Variants in TAFA5 observed in about 807,000 individuals in gnomAD.
TAFA5 encodes the protein chemokine-like protein TAFA-5.
TAFA5 carries 6 observed loss-of-function variants against 15.3 expected under a neutral mutation model. That is an observed-to-expected ratio of 0.39 (90% CI 0.21 to 0.77). The LOEUF is 0.77. Ranked by LOEUF, TAFA5 falls within the 30% of genes least tolerant of loss-of-function variation. TAFA5 has a pLI of 0.41. For synonymous variants in TAFA5, 103 were observed against 80.7 expected, an observed-to-expected ratio of 1.28 and a Z score of -1.48; for missense variants, 161 against 193.1, an observed-to-expected ratio of 0.83 and a Z score of 0.98.
At chr22:48,571,753 A>T (rs1376067151) in intron 1 of TAFA5, among the ~76,000 whole-genome samples, 1 of 151,720 alleles carries the variant, frequency 6.6e-6, no homozygotes, top group Admixed American at 6.6e-5. Context: ...GTTGCCTTTT[A>T]TTCTCCTTTA....
intron 1 of TAFA5, among the ~76,000 whole-genome samples, chr22:48,601,828 C>G (rs1286945414): frequency 6.6e-6 from 1 of 152,236 alleles, no homozygotes; most frequent in East Asian, 1.9e-4. Context: ...CCACGTTTCA[C>G]TCCTTTGGCA....
intron 1 of TAFA5, among the ~76,000 whole-genome samples, chr22:48,601,328 T>C (rs1165429824): frequency 5.3e-5 from 8 of 152,216 alleles, no homozygotes; most frequent in Admixed American, 3.9e-4. Flanking sequence ...TTTTTTTTTA[T>C]TTTTTTATTT....
chr22:48,714,958 G>A (rs1261441240), intron 3 of TAFA5, among the ~76,000 whole-genome samples: 1 of 152,194 alleles, frequency 6.6e-6, no homozygotes, highest in Non-Finnish European at 1.5e-5. Context: ...CATGGGGCCT[G>A]CTCTGTTTGC....
chr22:48,679,743 GGC>G (rs1928116827), intron 2 of TAFA5, among the ~76,000 whole-genome samples: 1 of 52,118 alleles, frequency 1.9e-5, no homozygotes, highest in Non-Finnish European at 3.4e-5. Context: ...TCCCTCTCCT[GGC>G]TCCCCAGCTC....
intron 1 of TAFA5, among the ~76,000 whole-genome samples, chr22:48,518,496 C>T (rs1226418450): frequency 2.0e-5 from 3 of 152,222 alleles, no homozygotes; most frequent in Non-Finnish European, 4.4e-5. Flanking sequence ...TGCCCATGCC[C>T]TCAGGAAAAC....
chr22:48,608,688 CCAGATGT>C (rs1925287250), intron 1 of TAFA5, among the ~76,000 whole-genome samples: 1 of 152,190 alleles, frequency 6.6e-6, no homozygotes. Context: ...CCTGTGCGTG[CCAGATGT>C]TGGTTGGGGG....
chr22:48,489,717 C>T lies in TAFA5; in HGVS notation c.112+13C>T, dbSNP rs1928071698. On this transcript the variant is annotated intron_variant, in intron 1 of 3. Transcript: ENST00000402357. This position sits in a 1 kb window ranked among gnomAD's most constrained non-coding sequence, Gnocchi z 5.5. ...ATCGCCTACTGCAGTGAGTACCGCG[C>T]GGCCCCGGCCCCGGCACGGCCCTCT... The T allele has an allele frequency of 6.4e-6, 9 of 1,406,478 alleles. No individual in the cohort carries two copies. The highest frequency in any genetic ancestry group is 1.5e-5 in the African/African-American group (1 of 67,046). 87.1% of individuals were successfully genotyped at this position (1,406,478 alleles called of 1,614,324 possible). A position where few individuals can be genotyped will look rare whatever the true frequency, so the allele number is the denominator to read the frequency against.
At chr22:48,650,949 C>T (rs998726031) in intron 2 of TAFA5, among the ~76,000 whole-genome samples, 20 of 152,226 alleles carry the variant, frequency 1.3e-4, no homozygotes, top group African/African-American at 3.4e-4. Flanking sequence ...TGCTGGGTCC[C>T]GCAGCCACCA....
At chr22:48,589,828 G>A (rs911386489) in intron 1 of TAFA5, among the ~76,000 whole-genome samples, 4 of 149,590 alleles carry the variant, frequency 2.7e-5, no homozygotes, top group South Asian at 2.1e-4. Flanking sequence ...GGAAGCGCAG[G>A]CCCAAGACAC....
intron 1 of TAFA5, among the ~76,000 whole-genome samples, chr22:48,543,146 T>G (rs1922523250): frequency 6.6e-6 from 1 of 152,046 alleles, no homozygotes; most frequent in South Asian, 2.1e-4. Context: ...TCTGCGTCTC[T>G]GAACATCTCC....
intron 1 of TAFA5, among the ~76,000 whole-genome samples, chr22:48,629,029 G>A (rs963134882): frequency 1.3e-5 from 2 of 152,268 alleles, no homozygotes; most frequent in South Asian, 2.1e-4. Flanking sequence ...CAGCACACTC[G>A]CAGCTGCCGG....
At chr22:48,553,175 G>A (rs756754184) in intron 1 of TAFA5, among the ~76,000 whole-genome samples, 7 of 152,078 alleles carry the variant, frequency 4.6e-5, no homozygotes, top group Non-Finnish European at 8.8e-5. Context: ...CCCAAATGCC[G>A]CCTCGTCAGG....
At chr22:48,628,616 G>A (rs1381757417) in intron 1 of TAFA5, among the ~76,000 whole-genome samples, 3 of 152,224 alleles carry the variant, frequency 2.0e-5, no homozygotes, top group Non-Finnish European at 4.4e-5. Context: ...GCTTGGACCT[G>A]GTGAGCTCCC....
At chr22:48,693,519 G>A (rs1327801036) in intron 2 of TAFA5, 3 of 1,496,760 alleles carry the variant, frequency 2.0e-6, no homozygotes, top group Admixed American at 4.1e-5. Flanking sequence ...AGACCAGCAG[G>A]TGAGGCCCGC....
chr22:48,690,223 C>G (rs1388181821), intron 2 of TAFA5, among the ~76,000 whole-genome samples: 1 of 152,208 alleles, frequency 6.6e-6, no homozygotes, highest in African/African-American at 2.4e-5. Flanking sequence ...ACCCTTCTCC[C>G]ACCCCATCTC....
At chr22:48,622,609 C>T (rs1925879497) in intron 1 of TAFA5, among the ~76,000 whole-genome samples, 1 of 152,174 alleles carries the variant, frequency 6.6e-6, no homozygotes, top group African/African-American at 2.4e-5. Context: ...GAAGAGGGCT[C>T]GGAGGAGCCT....
intron 3 of TAFA5, among the ~76,000 whole-genome samples, chr22:48,724,450 A>C (rs761884435): frequency 6.6e-6 from 1 of 152,124 alleles, no homozygotes; most frequent in Non-Finnish European, 1.5e-5. Flanking sequence ...TGGAGGAGAG[A>C]GGAGAAGATG....
intron 1 of TAFA5, among the ~76,000 whole-genome samples, chr22:48,546,247 T>C (rs1214145462): frequency 1.3e-5 from 2 of 152,222 alleles, no homozygotes; most frequent in Admixed American, 6.5e-5. Flanking sequence ...TCACAGCAAA[T>C]GCATTCCCAG....
chr22:48,608,734 G>A (rs1049892758), intron 1 of TAFA5, among the ~76,000 whole-genome samples: 1 of 152,196 alleles, frequency 6.6e-6, no homozygotes, highest in Admixed American at 6.5e-5. Flanking sequence ...TTGAGGAACT[G>A]CAGAGTGCCG....
Sources: allele counts gnomAD v4.1 joint callset (sites outside exome capture counted in the v4.1 genomes callset), GRCh38; gene constraint gnomAD v4.1.1; non-coding constraint Gnocchi (gnomAD v3.1); transcripts MANE v1.5; gene names NCBI Gene and HGNC (gene_info 2026-07-23, HGNC 2026-07-21).